DDC: variants seen among roughly 807,000 people sequenced by gnomAD.
DDC encodes the protein aromatic-L-amino-acid decarboxylase.
DDC carries 43 observed loss-of-function variants against 60.0 expected under a neutral mutation model. That is an observed-to-expected ratio of 0.72 (90% confidence interval 0.56 to 0.92). The LOEUF is 0.92. Among genes scored for constraint, DDC ranks in the 40% least tolerant of loss-of-function variants. The pLI, the probability that DDC is intolerant of heterozygous loss-of-function variation, is 0.00. For missense variants in DDC, 573 were observed against 620.2 expected, an observed-to-expected ratio of 0.92 and a Z score of 0.81; for synonymous variants, 232 against 234.6, an observed-to-expected ratio of 0.99 and a Z score of 0.10.
intron 1 of DDC, among the ~76,000 whole-genome samples, chr7:50,555,496 T>A (rs1213250027): frequency 6.6e-6 from 1 of 152,156 alleles, no homozygotes; most frequent in Non-Finnish European, 1.5e-5. Flanking sequence ...TAGGCCAAAG[T>A]GTCTCTACTT....
intron 14 of DDC, among the ~76,000 whole-genome samples, chr7:50,460,800 T>C (rs959719738): frequency 1.3e-4 from 19 of 151,768 alleles, no homozygotes; most frequent in Non-Finnish European, 1.9e-4. Context: ...CAGGGTTAAA[T>C]GGATTAAGGG....
intron 11 of DDC, among the ~76,000 whole-genome samples, chr7:50,474,478 G>A (rs1034258861): frequency 1.3e-5 from 2 of 152,204 alleles, no homozygotes; most frequent in Non-Finnish European, 2.9e-5. Context: ...AGAAGAACAG[G>A]CTGGGGAAGC....
At chr7:50,501,243 A>G (rs1214404140) in intron 7 of DDC, among the ~76,000 whole-genome samples, 1 of 152,180 alleles carries the variant, frequency 6.6e-6, no homozygotes. Context: ...TCTCTCAGTT[A>G]TGCTGGCACC....
chr7:50,463,803 G>A (rs1369073990), intron 13 of DDC, among the ~76,000 whole-genome samples: 1 of 152,126 alleles, frequency 6.6e-6, no homozygotes, highest in African/African-American at 2.4e-5. Flanking sequence ...AAATTCTCAC[G>A]GAAACATAGA....
At chr7:50,468,257 C>G (rs542757352) in intron 12 of DDC, among the ~76,000 whole-genome samples, 35 of 152,304 alleles carry the variant, frequency 2.3e-4, no homozygotes, top group African/African-American at 8.4e-4. Flanking sequence ...CGGTTCCCGC[C>G]CAAGGAGACA....
chr7:50,521,227 A>G (rs2153544101), intron 6 of DDC, among the ~76,000 whole-genome samples: 1 of 152,234 alleles, frequency 6.6e-6, no homozygotes, highest in South Asian at 2.1e-4. Flanking sequence ...TTTTTGAAGG[A>G]TACAATTTGC....
intron 9 of DDC, among the ~76,000 whole-genome samples, chr7:50,490,856 T>C (rs56069386): frequency 0.12 from 19,013 of 152,288 alleles, 1,398 homozygotes; most frequent in African/African-American, 0.21. Flanking sequence ...CCAATCATAA[T>C]AGAACTAAAA....
chr7:50,522,582 G>A (rs1044019213), intron 6 of DDC, among the ~76,000 whole-genome samples: 1 of 152,180 alleles, frequency 6.6e-6, no homozygotes, highest in Non-Finnish European at 1.5e-5. Flanking sequence ...TAAATGAGTT[G>A]AACAGAAATA....
intron 9 of DDC, chr7:50,492,599 A>C (rs1051593248): frequency 2.3e-6 from 2 of 873,686 alleles, no homozygotes; most frequent in Non-Finnish European, 2.9e-6. Context: ...AACTAACCCC[A>C]TCACCCTTCT....
At position 50,517,267 on chromosome 7, in the gene DDC, T is replaced by A. The variant is rs535036669; in HGVS notation, c.714+10870A>T. On this transcript the variant is annotated intron_variant, in intron 6 of 14. Coordinates refer to ENST00000444124, the MANE Select transcript of DDC (RefSeq NM_001082971.2). Reference sequence around the variant, plus strand: ...CCAGGGATGCAGGGATGGTTTAATGTATACAAGTAAATAAATGTGATACAC... The same window carrying A: ...CCAGGGATGCAGGGATGGTTTAATGAATACAAGTAAATAAATGTGATACAC... Among the ~76,000 whole-genome samples, 43 of 152,310 alleles carry A rather than the reference T, an allele frequency of 2.8e-4. No homozygotes were observed. In the South Asian group the frequency reaches 8.7e-3, roughly 31 times the overall value.
At chr7:50,511,590 A>G (rs1047211247) in intron 6 of DDC, among the ~76,000 whole-genome samples, 5 of 152,146 alleles carry the variant, frequency 3.3e-5, no homozygotes, top group African/African-American at 9.7e-5. Flanking sequence ...TTAGCCAGGC[A>G]TGGTGGCACA....
intron 2 of DDC, among the ~76,000 whole-genome samples, chr7:50,541,763 A>G (rs949187654): frequency 6.6e-6 from 1 of 152,234 alleles, no homozygotes; most frequent in Admixed American, 6.5e-5. Context: ...TATCTGTAAG[A>G]TATCTCTTAC....
At chr7:50,489,547 C>T (rs564581747) in intron 9 of DDC, among the ~76,000 whole-genome samples, 2 of 152,224 alleles carry the variant, frequency 1.3e-5, no homozygotes, top group African/African-American at 2.4e-5. Flanking sequence ...ATCTTAAACA[C>T]TGACAGCAGT....
At chr7:50,503,422 A>G (rs934271423) in intron 7 of DDC, among the ~76,000 whole-genome samples, 6 of 152,222 alleles carry the variant, frequency 3.9e-5, no homozygotes, top group African/African-American at 1.4e-4. Context: ...CCTAGTCTCA[A>G]TGAGAAAACC....
At chr7:50,552,577 A>C (rs2329341) in intron 1 of DDC, among the ~76,000 whole-genome samples, 50,355 of 151,876 alleles carry the variant, frequency 0.33, 8,891 homozygotes, top group East Asian at 0.48. Flanking sequence ...AGACCTCCTG[A>C]TTGACCTGTG....
chr7:50,476,543 G>A, intron 11 of DDC, 81 bp downstream of exon 11: 1 of 1,262,518 alleles, frequency 7.9e-7, no homozygotes, highest in East Asian at 2.3e-5. Flanking sequence ...ATGAGAGTGG[G>A]GGAGGAGATG....
chr7:50,468,036 A>G (rs2042436530), intron 12 of DDC, among the ~76,000 whole-genome samples: 1 of 152,282 alleles, frequency 6.6e-6, no homozygotes, highest in Non-Finnish European at 1.5e-5. Flanking sequence ...TAGGAGAAGG[A>G]GCCCTCCGTG....
intron 7 of DDC, among the ~76,000 whole-genome samples, chr7:50,503,661 A>G (rs2043312737): frequency 6.6e-6 from 1 of 152,258 alleles, no homozygotes; most frequent in Admixed American, 6.5e-5. Flanking sequence ...CGACCCACAT[A>G]TGAAGGTGGT....
chr7:50,499,991 G>T (rs924450006), intron 7 of DDC, among the ~76,000 whole-genome samples: 4 of 152,202 alleles, frequency 2.6e-5, no homozygotes, highest in African/African-American at 9.7e-5. Flanking sequence ...CAAGGGATGA[G>T]CAAGGGAATA....
Sources: gnomAD v4.1 joint callset for allele counts (sites outside exome capture counted in the v4.1 genomes callset) on GRCh38, gnomAD v4.1.1 for gene constraint, MANE v1.5 for transcripts, NCBI Gene and HGNC (gene_info 2026-07-23, HGNC 2026-07-21) for gene names.